The following HNF4G variants were observed in gnomAD, a reference collection of about 807,000 sequenced individuals.
HNF4G encodes the protein hepatocyte nuclear factor 4 gamma, also known as hepatocyte nuclear factor 4-gamma.
In HNF4G, 21 loss-of-function variants were observed where a neutral mutation model predicts 50.9. That is an observed-to-expected ratio of 0.41 (90% CI 0.29 to 0.59). HNF4G has a LOEUF of 0.59. HNF4G is among the 20% of genes least tolerant of loss of function. HNF4G has a pLI of 0.26. For missense variants in HNF4G, 527 were observed against 559.4 expected (o/e 0.94, Z 0.58); for synonymous variants, 198 against 185.6 (o/e 1.07, Z -0.54).
intron 2 of HNF4G, among the ~76,000 whole-genome samples, chr8:75,496,618 A>G (rs867800692): frequency 2.0e-5 from 3 of 152,046 alleles, no homozygotes; most frequent in African/African-American, 2.4e-5. Context: ...CACTTAATTT[A>G]TTAAAAAAAG....
At chr8:75,494,794 T>G (rs1238032352) in intron 2 of HNF4G, among the ~76,000 whole-genome samples, 1 of 151,978 alleles carries the variant, frequency 6.6e-6, no homozygotes. Context: ...AATTATACAT[T>G]TTATACAATT....
At chr8:75,524,768 A>G (rs796547795) in intron 2 of HNF4G, among the ~76,000 whole-genome samples, 14 of 152,350 alleles carry the variant, frequency 9.2e-5, no homozygotes, top group African/African-American at 3.4e-4. Context: ...ATGAATCAAC[A>G]TAACTTGGTT....
chr8:75,560,384 T>A lies in HNF4G; in HGVS notation c.1164T>A (p.His388Gln). ...NDGSHLHHPM[H>Q]PHLSQDPLTG... ...GCAGTCATCTCCATCATCCAATGCA[T>A]CCACATTTGTCTCAAGACCCATTAA... The change falls in exon 9 of 10, where the codon CAT becomes CAA. Residue 388 changes from histidine to glutamine, a missense_variant. By Grantham distance (24) the His-to-Gln change is conservative (BLOSUM62 0). This residue lies in a region of HNF4G where 308 missense variants were observed against 301.5 expected (regional missense o/e 1.02). Transcript: ENST00000396423. 6.2e-7 allele frequency: 1 copy of A among 1,613,370 alleles called. No individual in the cohort carries two copies. Among genetic ancestry groups the A allele is most frequent in the Non-Finnish European group, 8.5e-7 (1 of 1,179,428 alleles).
intron 2 of HNF4G, among the ~76,000 whole-genome samples, chr8:75,496,236 A>G (rs1289750839): frequency 1.3e-5 from 2 of 152,168 alleles, no homozygotes; most frequent in Admixed American, 1.3e-4. Context: ...TGTACTTCTT[A>G]AAGATAATTG....
At chr8:75,435,155 C>T (rs1811107159) in intron 1 of HNF4G, among the ~76,000 whole-genome samples, 1 of 151,970 alleles carries the variant, frequency 6.6e-6, no homozygotes, top group Non-Finnish European at 1.5e-5. Context: ...GATGCAAAGG[C>T]CTATACAAAA....
intron 1 of HNF4G, among the ~76,000 whole-genome samples, chr8:75,421,962 G>A (rs1383420469): frequency 6.6e-6 from 1 of 152,176 alleles, no homozygotes; most frequent in African/African-American, 2.4e-5. Flanking sequence ...CGCGTCAGGT[G>A]GAGGGTAGAT....
chr8:75,523,007 A>G (rs551972068), intron 2 of HNF4G, among the ~76,000 whole-genome samples: 3 of 152,092 alleles, frequency 2.0e-5, no homozygotes, highest in Non-Finnish European at 4.4e-5. Flanking sequence ...AGGGTGGATC[A>G]CGAGGTCAGG....
rs547897470 is a variant in HNF4G at position 75,496,120 on chromosome 8, T to C, written c.-24+5912T>C. ...ATCTGTTACTTCTTTAAAAGTAGTG[T>C]ATATTTAAATCCAATTTTAATATAA... On this transcript the variant is annotated intron_variant, in intron 2 of 10. Coordinates refer to the HNF4G transcript ENST00000354370. Among the ~76,000 whole-genome samples, 11 of 152,276 alleles carry C rather than the reference T, an allele frequency of 7.2e-5. No individual in the cohort carries two copies. In the East Asian group the frequency reaches 2.1e-3, roughly 29 times the overall value.
intron 1 of HNF4G, among the ~76,000 whole-genome samples, chr8:75,437,531 G>A (rs1165538665): frequency 1.3e-5 from 2 of 152,032 alleles, no homozygotes; most frequent in African/African-American, 4.8e-5. Context: ...AAGGAAGAAT[G>A]TTTTTTAAAA....
intron 2 of HNF4G, among the ~76,000 whole-genome samples, chr8:75,519,653 C>T (rs1049144557): frequency 1.3e-5 from 2 of 152,200 alleles, no homozygotes; most frequent in South Asian, 2.1e-4. Context: ...ATTCAATTGC[C>T]TCCCACTGGG....
chr8:75,551,433 T>A lies in HNF4G; in HGVS notation c.428T>A (p.Phe143Tyr), dbSNP rs1563551716. 5 of 1,613,512 alleles carry A rather than the reference T, an allele frequency of 3.1e-6. No individual in the cohort carries two copies. The highest frequency in any genetic ancestry group is 1.7e-5 in the Admixed American group (1 of 59,940). The change falls in exon 4 of 10, where the codon TTT becomes TAT. Residue 143 changes from phenylalanine to tyrosine, a missense_variant. Transcript: ENST00000396423. ...AGAATAAGCACCAGAAGAAGCACAT[T>A]TGATGGCAGCAACATCCCCTCCATT... The part of the protein sequence containing the change: ...RDRISTRRST[F>Y]DGSNIPSINT...
In HNF4G at chr8:75,439,348, G is replaced by A. The variant is rs185436153; in HGVS notation, c.-144+31186G>A. Among the ~76,000 whole-genome samples the A allele has an allele frequency of 2.1e-4, 32 of 151,928 alleles. 1 individual carries two copies. The highest frequency in any genetic ancestry group is 7.5e-4 in the African/African-American group (31 of 41,472). ...TAGTTAAATGATGAATTTTTTACAT[G>A]TCTGCATTTTGATGAAAAGTAAATT... On this transcript the variant is annotated intron_variant, in intron 1 of 10. Coordinates refer to the HNF4G transcript ENST00000354370.
intron 1 of HNF4G, among the ~76,000 whole-genome samples, chr8:75,541,646 T>C (rs771057689): frequency 6.6e-6 from 1 of 152,144 alleles, no homozygotes; most frequent in African/African-American, 2.4e-5. Flanking sequence ...TTGTTAGCTA[T>C]ACAATAATCA....
Position 75,551,431 on chromosome 8 carries a change from A to G in HNF4G, c.426A>G (p.Thr142=), listed in dbSNP as rs771902359. The G allele has an allele frequency of 6.2e-7, 1 of 1,613,482 alleles. No individual in the cohort carries two copies. Among genetic ancestry groups the G allele is most frequent in the African/African-American group, 1.3e-5 (1 of 74,892 alleles). Residue 142 remains threonine, a synonymous_variant, in exon 4 of 10, where the codon ACA becomes ACG. Coordinates refer to ENST00000396423, the MANE Select transcript of HNF4G (RefSeq NM_004133.5). The part of the protein sequence containing the change: ...ERDRISTRRS[T]FDGSNIPSIN... ...ACAGAATAAGCACCAGAAGAAGCAC[A>G]TTTGATGGCAGCAACATCCCCTCCA...
At position 75,564,265 on chromosome 8, in the gene HNF4G, A is replaced by G. The variant is rs952467036; in HGVS notation, c.*169A>G. On this transcript the variant is annotated 3_prime_UTR_variant, in exon 10 of 10. Transcript: ENST00000396423. ...TACGTTCATTCTGTTTGTTATTGCT[A>G]CTATGTAAAACTTTCACATGCAACC... The G allele has an allele frequency of 1.6e-6, 1 of 621,154 alleles. No individual in the cohort carries two copies. Among genetic ancestry groups the G allele is most frequent in the Non-Finnish European group, 2.7e-6 (1 of 372,724 alleles). 38.5% of individuals were successfully genotyped at this position (621,154 alleles called of 1,614,324 possible).
At chr8:75,554,847 T>A (rs1807067418) in intron 5 of HNF4G, among the ~76,000 whole-genome samples, 1 of 152,270 alleles carries the variant, frequency 6.6e-6, no homozygotes, top group African/African-American at 2.4e-5. Context: ...TGAGAAGAGA[T>A]ACTTTAAACT....
At chr8:75,506,086 A>G (rs1295581898) in intron 2 of HNF4G, among the ~76,000 whole-genome samples, 1 of 152,010 alleles carries the variant, frequency 6.6e-6, no homozygotes, top group African/African-American at 2.4e-5. Context: ...TGATTATGTC[A>G]GTAATTTAAC....
intron 1 of HNF4G, among the ~76,000 whole-genome samples, chr8:75,435,451 T>G (rs1402820382): frequency 6.6e-6 from 1 of 152,194 alleles, no homozygotes; most frequent in Non-Finnish European, 1.5e-5. Flanking sequence ...AAATATCTCA[T>G]TCCATGGTGA....
chr8:75,487,919 G>A (rs1257606529), intron 1 of HNF4G, among the ~76,000 whole-genome samples: 1 of 152,170 alleles, frequency 6.6e-6, no homozygotes, highest in African/African-American at 2.4e-5. Flanking sequence ...TCACTTGGCA[G>A]CAGCAAGGAG....
Sources: gnomAD v4.1 joint callset for allele counts (sites outside exome capture counted in the v4.1 genomes callset) on GRCh38, gnomAD v4.1.1 for gene constraint, gnomAD v4.1.1 regional missense constraint, MANE v1.5 for transcripts, NCBI Gene and HGNC (gene_info 2026-07-23, HGNC 2026-07-21) for gene names.